CSMD1: variants seen among roughly 807,000 people sequenced by gnomAD.
CSMD1 encodes CUB and Sushi multiple domains 1.
CSMD1 carries 213 observed loss-of-function variants against 417.5 expected under a neutral mutation model. The observed-to-expected ratio is 0.51, with a 90% CI of 0.46 to 0.57. The LOEUF (loss-of-function observed/expected upper bound fraction) is 0.57. Among genes scored for constraint, CSMD1 ranks in the 20% least tolerant of loss-of-function variants. CSMD1 has a pLI of 0.00. For synonymous variants in CSMD1, 2,862 were observed against 1,736.8 expected, an observed-to-expected ratio of 1.65 and a Z score of -16.11; for missense variants, 6,923 against 4,529.7, an observed-to-expected ratio of 1.53 and a Z score of -15.17.
chr8:3,310,556 A>T (rs1805250442), intron 23 of CSMD1, among the ~76,000 whole-genome samples: 1 of 152,238 alleles, frequency 6.6e-6, no homozygotes, highest in African/African-American at 2.4e-5. Context: ...TATGCTGCTT[A>T]TCCAATGTCA....
intron 5 of CSMD1, among the ~76,000 whole-genome samples, chr8:3,792,457 G>A (rs1464641229): frequency 2.6e-5 from 4 of 152,126 alleles, no homozygotes; most frequent in Admixed American, 6.5e-5. Flanking sequence ...AGATGAGGAC[G>A]GAGAGCTTAC....
chr8:4,803,462 G>C (rs1404619149), intron 1 of CSMD1, among the ~76,000 whole-genome samples: 1 of 152,162 alleles, frequency 6.6e-6, no homozygotes, highest in Non-Finnish European at 1.5e-5. Flanking sequence ...GATAGGAGAG[G>C]AGGGTTAGGG....
intron 3 of CSMD1, among the ~76,000 whole-genome samples, chr8:4,415,454 C>T (rs534439898): frequency 7.6e-5 from 11 of 145,212 alleles, no homozygotes; most frequent in African/African-American, 2.3e-4. Context: ...CTCTTCAGGT[C>T]GTGGCCTGAG....
chr8:3,719,005 C>G (rs751463953), intron 6 of CSMD1, among the ~76,000 whole-genome samples: 1 of 152,092 alleles, frequency 6.6e-6, no homozygotes, highest in South Asian at 2.1e-4. Flanking sequence ...AGGGGTGAGA[C>G]AACGCGCTCA....
intron 5 of CSMD1, among the ~76,000 whole-genome samples, chr8:3,911,952 G>C (rs550601345): frequency 4.0e-4 from 61 of 152,238 alleles, no homozygotes; most frequent in African/African-American, 1.4e-3. Flanking sequence ...ATGTCCACCT[G>C]AATCTTACAT....
At chr8:3,662,435 A>G (rs1798467184) in intron 7 of CSMD1, among the ~76,000 whole-genome samples, 1 of 152,202 alleles carries the variant, frequency 6.6e-6, no homozygotes, top group African/African-American at 2.4e-5. Context: ...TATCCAGTCT[A>G]TTATTGATGG....
chr8:3,974,650 C>G (rs1031363384), intron 5 of CSMD1, among the ~76,000 whole-genome samples: 3 of 150,086 alleles, frequency 2.0e-5, no homozygotes, highest in African/African-American at 7.4e-5. Context: ...ACTGTTTAAA[C>G]TGCTTTAAAA....
intron 26 of CSMD1, among the ~76,000 whole-genome samples, chr8:3,255,631 A>G (rs746906352): frequency 7.9e-5 from 12 of 152,184 alleles, no homozygotes; most frequent in South Asian, 2.1e-4. Flanking sequence ...TGTTCTAGCA[A>G]TGAGCAAGGC....
chr8:3,845,504 G>A (rs1362547848), intron 5 of CSMD1, among the ~76,000 whole-genome samples: 2 of 152,190 alleles, frequency 1.3e-5, no homozygotes, highest in East Asian at 3.8e-4. Context: ...CACCTGTACA[G>A]GGTACTTGCC....
intron 5 of CSMD1, among the ~76,000 whole-genome samples, chr8:3,966,067 T>C (rs1812661122): frequency 6.6e-6 from 1 of 152,164 alleles, no homozygotes; most frequent in East Asian, 1.9e-4. Flanking sequence ...TAGAATAAAA[T>C]AACGAATGTC....
chr8:3,593,412 C>G (rs946578515), intron 8 of CSMD1, among the ~76,000 whole-genome samples: 4 of 152,190 alleles, frequency 2.6e-5, no homozygotes, highest in African/African-American at 9.6e-5. Context: ...CCAGGTCCAC[C>G]TGCCTCCAGG....
At chr8:3,848,906 C>G (rs1803690300) in intron 5 of CSMD1, among the ~76,000 whole-genome samples, 1 of 150,786 alleles carries the variant, frequency 6.6e-6, no homozygotes, top group Non-Finnish European at 1.5e-5. Context: ...AGATACATAT[C>G]TAGATATCAT....
At chr8:4,649,509 G>C (rs189562081) in intron 1 of CSMD1, among the ~76,000 whole-genome samples, 127 of 152,302 alleles carry the variant, frequency 8.3e-4, no homozygotes, top group African/African-American at 2.7e-3. Flanking sequence ...CACGTGAGTA[G>C]GACTTCTACC....
intron 10 of CSMD1, among the ~76,000 whole-genome samples, chr8:3,570,747 T>A (rs1563163762): frequency 6.6e-6 from 1 of 152,148 alleles, no homozygotes; most frequent in Non-Finnish European, 1.5e-5. Context: ...GAAAATAACC[T>A]GTTCTTTCAT....
chr8:4,837,740 A>T (rs1395007725), intron 1 of CSMD1, among the ~76,000 whole-genome samples: 1 of 152,184 alleles, frequency 6.6e-6, no homozygotes, highest in Admixed American at 6.5e-5. Context: ...TACATTTAAA[A>T]ATAACAAAGA....
chr8:3,476,565 G>C (rs186171994), intron 11 of CSMD1, among the ~76,000 whole-genome samples: 1 of 152,068 alleles, frequency 6.6e-6, no homozygotes, highest in African/African-American at 2.4e-5. Context: ...AATCTCAAAG[G>C]TTACACAGAA....
At chr8:4,931,163 T>C (rs983205113) in intron 1 of CSMD1, among the ~76,000 whole-genome samples, 1 of 152,234 alleles carries the variant, frequency 6.6e-6, no homozygotes, top group African/African-American at 2.4e-5. Context: ...TTGTGTCTTA[T>C]ATGAAATAAA....
intron 2 of CSMD1, among the ~76,000 whole-genome samples, chr8:4,591,579 G>A (rs184183974): frequency 3.3e-5 from 5 of 152,266 alleles, no homozygotes; most frequent in Non-Finnish European, 7.4e-5. Flanking sequence ...TCTCTTGGGA[G>A]CAGATGCAAG....
rs944679965 is a variant in CSMD1, at chr8:4,429,023, G to C, written c.303-8958C>G. 7.9e-5 allele frequency among the ~76,000 whole-genome samples: 12 copies of C among 151,834 alleles called. No individual in the cohort carries two copies. The South Asian group carries it at 1.3e-3, about 16-fold the overall frequency. On this transcript the variant is annotated intron_variant, in intron 2 of 69. Coordinates refer to ENST00000635120, the MANE Select transcript of CSMD1 (RefSeq NM_033225.6). The stretch of plus-strand genomic sequence containing the variant: ...GGCACTGCACGTCGGCCTTATCTTA[G>C]GTATTTTTTTAATAAGAGTTTTACA...
Sources: gnomAD v4.1 joint callset for allele counts (sites outside exome capture counted in the v4.1 genomes callset) on GRCh38, gnomAD v4.1.1 for gene constraint, MANE v1.5 for transcripts, NCBI Gene and HGNC (gene_info 2026-07-23, HGNC 2026-07-21) for gene names.